The following ADCY8 variants were observed in gnomAD, a reference collection of about 807,000 sequenced individuals.
ADCY8 encodes the protein adenylate cyclase type 8.
ADCY8 carries 51 observed loss-of-function variants against 119.7 expected under a neutral mutation model. The observed-to-expected ratio is 0.43, with a 90% CI of 0.34 to 0.54. The LOEUF (loss-of-function observed/expected upper bound fraction) is 0.54. ADCY8 is among the 20% of genes least tolerant of loss of function. The pLI, the probability that ADCY8 is intolerant of heterozygous loss-of-function variation, is 0.03. For missense variants in ADCY8, 1,383 were observed against 1,598.8 expected, an observed-to-expected ratio of 0.87 and a Z score of 2.30; for synonymous variants, 665 against 651.0, an observed-to-expected ratio of 1.02 and a Z score of -0.33.
At chr8:131,015,079 G>A (rs926746320) in intron 1 of ADCY8, among the ~76,000 whole-genome samples, 2 of 152,164 alleles carry the variant, frequency 1.3e-5, no homozygotes, top group African/African-American at 4.8e-5. Flanking sequence ...AGGCCTCTAA[G>A]ATAAGTCTTC....
chr8:130,787,518 C>A (rs1815284584), intron 15 of ADCY8, among the ~76,000 whole-genome samples: 1 of 149,542 alleles, frequency 6.7e-6, no homozygotes, highest in Admixed American at 6.8e-5. Flanking sequence ...TGTTTATGTG[C>A]ATGTGTGTCC....
chr8:131,040,315 G>T lies in ADCY8; in HGVS notation c.19C>A (p.Arg7Ser). The T allele has an allele frequency of 6.5e-7, 1 of 1,534,608 alleles. No homozygotes were observed. The stretch of plus-strand genomic sequence containing the variant: ...AGTTCCTCGCTGCCTGTAAGGCAGC[G>T]CACATCGGAGAGCTCCATGGCTCTG... MELSDV[R>S]CLTGSEELYT... The change falls in exon 1 of 18, where the codon CGC becomes AGC. Residue 7 changes from arginine (R) to serine (S), a missense_variant. By Grantham distance (110) the Arg-to-Ser change is moderately radical (BLOSUM62 -1). Transcript: ENST00000286355.
chr8:130,852,806 C>T (rs1817579377), intron 9 of ADCY8, among the ~76,000 whole-genome samples: 1 of 152,154 alleles, frequency 6.6e-6, no homozygotes, highest in Non-Finnish European at 1.5e-5. Context: ...GTCGCCAGTG[C>T]TATGCACTTT....
chr8:130,856,994 G>T (rs1019855709), intron 9 of ADCY8, among the ~76,000 whole-genome samples: 1 of 149,406 alleles, frequency 6.7e-6, no homozygotes, highest in African/African-American at 2.5e-5. Context: ...CCACACAAAA[G>T]TATAGCTTAA....
At chr8:130,895,140 T>C (rs139425482) in intron 7 of ADCY8, among the ~76,000 whole-genome samples, 12 of 152,282 alleles carry the variant, frequency 7.9e-5, no homozygotes, top group Non-Finnish European at 1.6e-4. Flanking sequence ...CTTTTACTCT[T>C]CCTACCTATC....
intron 12 of ADCY8, among the ~76,000 whole-genome samples, chr8:130,821,899 T>G (rs1346327434): frequency 1.3e-5 from 2 of 152,130 alleles, no homozygotes; most frequent in Non-Finnish European, 2.9e-5. Flanking sequence ...CATATGAGGA[T>G]TAAGAGGACC....
intron 8 of ADCY8, among the ~76,000 whole-genome samples, chr8:130,869,939 C>CTCCTCT (rs1554610073): frequency 1.6e-4 from 23 of 145,376 alleles, no homozygotes; most frequent in African/African-American, 3.6e-4. Flanking sequence ...CCTCCTCCTC[C>CTCCTCT]TCTTCTTCTT....
chr8:130,802,821 G>T (rs973286278), intron 14 of ADCY8, among the ~76,000 whole-genome samples: 1 of 152,202 alleles, frequency 6.6e-6, no homozygotes, highest in Non-Finnish European at 1.5e-5. Context: ...GCCTTGGGAG[G>T]TGCCAGGAAA....
At chr8:130,879,300 G>A (rs749879847) in intron 8 of ADCY8, among the ~76,000 whole-genome samples, 1 of 152,124 alleles carries the variant, frequency 6.6e-6, no homozygotes, top group South Asian at 2.1e-4. Context: ...AAAAGACAAA[G>A]GTGAGCACTG....
At chr8:131,018,895 A>T (rs1035745107) in intron 1 of ADCY8, among the ~76,000 whole-genome samples, 1 of 152,128 alleles carries the variant, frequency 6.6e-6, no homozygotes, top group African/African-American at 2.4e-5. Context: ...CATGGTTAGG[A>T]GGAGGTTAGG....
At chr8:130,949,047 G>A (rs1437591236) in intron 3 of ADCY8, among the ~76,000 whole-genome samples, 1 of 152,068 alleles carries the variant, frequency 6.6e-6, no homozygotes, top group Non-Finnish European at 1.5e-5. Context: ...CTCTGAAAAC[G>A]CGGAGACACG....
chr8:130,925,483 G>A (rs76556293), intron 5 of ADCY8, among the ~76,000 whole-genome samples: 1 of 152,056 alleles, frequency 6.6e-6, no homozygotes, highest in Non-Finnish European at 1.5e-5. Flanking sequence ...TATAAGTTAA[G>A]TCACCCACCC....
chr8:130,929,606 T>C (rs1820573435), intron 5 of ADCY8, among the ~76,000 whole-genome samples: 1 of 152,218 alleles, frequency 6.6e-6, no homozygotes, highest in Non-Finnish European at 1.5e-5. Context: ...ATGTATATTC[T>C]GCAGCTATTG....
At chr8:130,899,760 A>G (rs1363365547) in intron 7 of ADCY8, among the ~76,000 whole-genome samples, 1 of 152,252 alleles carries the variant, frequency 6.6e-6, no homozygotes, top group African/African-American at 2.4e-5. Flanking sequence ...TACTCAGAGC[A>G]TGCAGCAGAA....
chr8:130,829,676 G>A (rs1421662571), intron 12 of ADCY8, among the ~76,000 whole-genome samples: 1 of 152,182 alleles, frequency 6.6e-6, no homozygotes, highest in African/African-American at 2.4e-5. Context: ...GGATGTTTGG[G>A]ACAAGTTGGA....
Position 131,039,733 on chromosome 8 carries a change from A to T in ADCY8, c.601T>A (p.Leu201Met). Residue 201 changes from leucine (L) to methionine (M), a missense_variant, in exon 1 of 18, where the codon TTG becomes ATG. Coordinates refer to ENST00000286355, the MANE Select transcript of ADCY8 (RefSeq NM_001115.3). ...TCCATGGGGGCCGAGGCCAGGCTCA[A>T]GTGTAGGACCAAGAGAGTGAGTTTG... ...LTKLTLLVLHLSLASAPMDPL... is the reference protein window; with the variant it reads ...LTKLTLLVLHMSLASAPMDPL... 3 of 1,614,110 alleles carry T rather than the reference A, an allele frequency of 1.9e-6. No homozygotes were observed. Among genetic ancestry groups the T allele is most frequent in the Non-Finnish European group, 2.5e-6 (3 of 1,180,024 alleles).
intron 2 of ADCY8, among the ~76,000 whole-genome samples, chr8:130,969,851 C>T (rs1218265898): frequency 2.0e-5 from 3 of 152,146 alleles, no homozygotes; most frequent in Non-Finnish European, 4.4e-5. Context: ...TAGGGACTTG[C>T]CTAAGATCAC....
chr8:130,952,237 C>T (rs1240597319), intron 2 of ADCY8, among the ~76,000 whole-genome samples: 2 of 152,180 alleles, frequency 1.3e-5, no homozygotes, highest in African/African-American at 4.8e-5. Flanking sequence ...GTGGAGCTTA[C>T]ATTCTAATAA....
At chr8:130,867,391 G>A (rs184809969) in intron 9 of ADCY8, among the ~76,000 whole-genome samples, 584 of 152,232 alleles carry the variant, frequency 3.8e-3, no homozygotes, top group African/African-American at 0.013. Flanking sequence ...AGGTTGTCAT[G>A]GGGATTCCAG....
Sources: gnomAD v4.1 joint callset for allele counts (sites outside exome capture counted in the v4.1 genomes callset) on GRCh38, gnomAD v4.1.1 for gene constraint, MANE v1.5 for transcripts, NCBI Gene and HGNC (gene_info 2026-07-23, HGNC 2026-07-21) for gene names.